Variants in ADCY3 observed in about 807,000 individuals in gnomAD.
The protein encoded by ADCY3 is adenylate cyclase 3, also known as adenylate cyclase type 3.
In ADCY3, 70 loss-of-function variants were observed where a neutral mutation model predicts 119.4. That is an observed-to-expected ratio of 0.59 (90% CI 0.48 to 0.72). The LOEUF is 0.72. Ranked by LOEUF, ADCY3 falls within the 30% of genes least tolerant of loss-of-function variation. ADCY3 has a pLI of 0.00. For synonymous variants in ADCY3, 672 were observed against 621.4 expected, an observed-to-expected ratio of 1.08 and a Z score of -1.21; for missense variants, 1,238 against 1,541.6, an observed-to-expected ratio of 0.80 and a Z score of 3.30.
chr2:24,886,250 G>A (rs1677010397), intron 2 of ADCY3, among the ~76,000 whole-genome samples: 1 of 152,144 alleles, frequency 6.6e-6, no homozygotes, highest in East Asian at 1.9e-4. Flanking sequence ...GAAAGGAAAT[G>A]CCAACTCCAC....
chr2:24,821,830 G>A (rs1667769311), intron 19 of ADCY3, 190 bp from the exon 20 acceptor site: 1 of 780,192 alleles, frequency 1.3e-6, no homozygotes, highest in Admixed American at 3.0e-5. Context: ...TCACGTAGCA[G>A]GTCTAGGCAA....
intron 2 of ADCY3, among the ~76,000 whole-genome samples, chr2:24,886,170 TCCCAGCACTCAGTAGCA>T (rs1676999302): frequency 6.6e-6 from 1 of 152,216 alleles, no homozygotes; most frequent in Admixed American, 6.5e-5. Context: ...CCCACTGTGT[TCCCAGCACTCAGTAGCA>T]CCCAGCACGC....
intron 2 of ADCY3, among the ~76,000 whole-genome samples, chr2:24,908,004 A>G (rs934582458): frequency 6.6e-6 from 1 of 151,516 alleles, no homozygotes; most frequent in Non-Finnish European, 1.5e-5. Flanking sequence ...AAGAAAAAAT[A>G]AAAATAAAAA....
intron 2 of ADCY3, among the ~76,000 whole-genome samples, chr2:24,911,653 A>ACTC (rs1663680220): frequency 6.9e-6 from 1 of 143,988 alleles, no homozygotes; most frequent in African/African-American, 2.6e-5. Context: ...AAAAAAAAAA[A>ACTC]AAAAACACAC....
intron 3 of ADCY3, among the ~76,000 whole-genome samples, chr2:24,854,442 T>A (rs1245517556): frequency 6.6e-6 from 1 of 152,212 alleles, no homozygotes; most frequent in Non-Finnish European, 1.5e-5. Context: ...TGGTTCCTTA[T>A]CTATAAAATG....
At chr2:24,881,377 G>A (rs1260878766) in intron 2 of ADCY3, among the ~76,000 whole-genome samples, 2 of 152,230 alleles carry the variant, frequency 1.3e-5, no homozygotes, top group Non-Finnish European at 2.9e-5. Context: ...ACCGACGTTA[G>A]GACAGGTCTC....
chr2:24,851,034 T>C (rs1478576609), intron 3 of ADCY3, among the ~76,000 whole-genome samples: 1 of 152,220 alleles, frequency 6.6e-6, no homozygotes, highest in African/African-American at 2.4e-5. Flanking sequence ...CTGGTGGTTG[T>C]TCTTTTTAAA....
At chr2:24,913,056 C>T (rs944428776) in intron 2 of ADCY3, among the ~76,000 whole-genome samples, 1 of 152,236 alleles carries the variant, frequency 6.6e-6, no homozygotes, top group Non-Finnish European at 1.5e-5. Context: ...ATACTCTCCA[C>T]GGAGGGATGA....
At position 24,898,016 on chromosome 2, in the gene ADCY3, A is replaced by G. The variant is rs1678481521; in HGVS notation, c.675+20297T>C. Among the ~76,000 whole-genome samples the G allele has an allele frequency of 6.6e-6, 1 of 152,162 alleles. No homozygotes were observed. On this transcript the variant is annotated intron_variant, in intron 2 of 21. Transcript: ENST00000679454. The surrounding 1 kb of genome is among the most constrained non-coding windows in gnomAD (Gnocchi z 4.3). ...TACAAAATGGAGTCAGAACTGTCTCATATGGCTTTTACTCCTCCCCATTTC... is the reference window on the plus strand; with the variant it reads ...TACAAAATGGAGTCAGAACTGTCTCGTATGGCTTTTACTCCTCCCCATTTC...
chr2:24,827,475 G>C, intron 15 of ADCY3, 71 bp downstream of exon 15: 5 of 1,514,344 alleles, frequency 3.3e-6, no homozygotes, highest in Non-Finnish European at 4.5e-6. Context: ...CCGGGGCTTG[G>C]GCCTGTTATA....
At chr2:24,843,207 G>A (rs1411375082) in intron 3 of ADCY3, among the ~76,000 whole-genome samples, 4 of 152,176 alleles carry the variant, frequency 2.6e-5, no homozygotes, top group Admixed American at 1.3e-4. Flanking sequence ...TCAGCAAACC[G>A]TGGCCTGTGG....
At chr2:24,868,650 A>C (rs577189156) in intron 3 of ADCY3, among the ~76,000 whole-genome samples, 12 of 151,784 alleles carry the variant, frequency 7.9e-5, no homozygotes, top group African/African-American at 2.7e-4. Flanking sequence ...ACAACAATAA[A>C]GTTCCATTTT....
At chr2:24,829,675 G>A (rs1669185167) in intron 13 of ADCY3, among the ~76,000 whole-genome samples, 1 of 151,726 alleles carries the variant, frequency 6.6e-6, no homozygotes, top group Admixed American at 6.6e-5. Context: ...GCCCGCCTTG[G>A]CCTCCCAAAG....
intron 2 of ADCY3, among the ~76,000 whole-genome samples, chr2:24,906,066 G>T (rs895804082): frequency 6.6e-6 from 1 of 152,278 alleles, no homozygotes; most frequent in African/African-American, 2.4e-5. Context: ...CAGCACTTTG[G>T]GAGGCTGAGG....
Position 24,819,881 on chromosome 2 carries a change from C to A in ADCY3, c.*51G>T. The A allele has an allele frequency of 6.3e-7, 1 of 1,582,090 alleles. No individual in the cohort carries two copies. Among genetic ancestry groups the A allele is most frequent in the Non-Finnish European group, 8.6e-7 (1 of 1,163,902 alleles). ...GGAAGGTCGGGACTTCCTTCAGTTT[C>A]AAAAAATAAATTCTCCCTTCCGGTT... On this transcript the variant is annotated 3_prime_UTR_variant, in exon 22 of 22. Transcript: ENST00000679454.
At chr2:24,856,838 G>A (rs1281360497) in intron 3 of ADCY3, among the ~76,000 whole-genome samples, 4 of 152,210 alleles carry the variant, frequency 2.6e-5, no homozygotes, top group Admixed American at 6.5e-5. Flanking sequence ...ATGGTCACAC[G>A]TGGGAGAGAC....
chr2:24,870,478 G>A (rs533313271), intron 3 of ADCY3, among the ~76,000 whole-genome samples: 3 of 152,096 alleles, frequency 2.0e-5, no homozygotes, highest in African/African-American at 4.8e-5. Context: ...TCTAGGCTCC[G>A]GCTGTGTGCC....
chr2:24,828,956 A>G (rs1187722885), intron 13 of ADCY3, among the ~76,000 whole-genome samples: 1 of 151,398 alleles, frequency 6.6e-6, no homozygotes, highest in Non-Finnish European at 1.5e-5. Context: ...GGCACCAGCA[A>G]CCCCTGGCCA....
rs1421599245 is a variant in ADCY3 at position 24,819,610 on chromosome 2, A to C, written c.*322T>G. On this transcript the variant is annotated 3_prime_UTR_variant, in exon 22 of 22. Coordinates refer to ENST00000679454, the MANE Select transcript of ADCY3 (RefSeq NM_004036.5). ...TCCCGGAAAGCCCAGCGGCAAAGGC[A>C]GCTTTGTCCCAGCTCTGCCACCCTC... 1.3e-5 allele frequency: 3 copies of C among 223,646 alleles called. No homozygotes were observed. Among genetic ancestry groups the C allele is most frequent in the African/African-American group, 2.3e-5 (1 of 43,718 alleles). 13.9% of individuals were successfully genotyped at this position (223,646 alleles called of 1,614,324 possible). A position where few individuals can be genotyped will look rare whatever the true frequency, so the allele number is the denominator to read the frequency against.
Sources: allele counts gnomAD v4.1 joint callset (sites outside exome capture counted in the v4.1 genomes callset), GRCh38; gene constraint gnomAD v4.1.1; non-coding constraint Gnocchi (gnomAD v3.1); transcripts MANE v1.5; gene names NCBI Gene and HGNC (gene_info 2026-07-23, HGNC 2026-07-21).